B3GLCT: variants seen among roughly 807,000 people sequenced by gnomAD.
The protein encoded by B3GLCT is beta 3-glucosyltransferase.
Under a neutral mutation model 63.4 loss-of-function variants are expected in B3GLCT, and 65 were observed. That is an observed-to-expected ratio of 1.03 (90% confidence interval 0.84 to 1.26). B3GLCT has a LOEUF of 1.26. Ranked by LOEUF, B3GLCT falls within the 50% of genes most tolerant of loss-of-function variation. B3GLCT has a pLI of 0.00. For missense variants in B3GLCT, 577 were observed against 604.8 expected, an observed-to-expected ratio of 0.95 and a Z score of 0.48; for synonymous variants, 233 against 219.2, an observed-to-expected ratio of 1.06 and a Z score of -0.55.
chr13:31,205,515 C>T (rs892239421), intron 1 of B3GLCT, among the ~76,000 whole-genome samples: 1 of 152,000 alleles, frequency 6.6e-6, no homozygotes, highest in Non-Finnish European at 1.5e-5. Flanking sequence ...GCAAAGATTG[C>T]ACCACTGCAC....
At chr13:31,319,893 G>C (rs1181968499) in intron 13 of B3GLCT, among the ~76,000 whole-genome samples, 1 of 152,124 alleles carries the variant, frequency 6.6e-6, no homozygotes, top group Non-Finnish European at 1.5e-5. Flanking sequence ...TCTTATCCCA[G>C]GAGTCTGTGA....
intron 12 of B3GLCT, among the ~76,000 whole-genome samples, chr13:31,294,062 A>G (rs1477772836): frequency 1.3e-5 from 2 of 152,170 alleles, no homozygotes; most frequent in South Asian, 4.1e-4. Flanking sequence ...TCTTTCGCTT[A>G]TGAAGTTTAG....
At chr13:31,203,352 A>T (rs1370654878) in intron 1 of B3GLCT, among the ~76,000 whole-genome samples, 1 of 152,138 alleles carries the variant, frequency 6.6e-6, no homozygotes. Context: ...CCGAGTTGGC[A>T]TGGCTCCCCA....
intron 8 of B3GLCT, among the ~76,000 whole-genome samples, chr13:31,270,728 G>A (rs531188233): frequency 2.1e-4 from 32 of 152,142 alleles, no homozygotes; most frequent in African/African-American, 7.5e-4. Context: ...ATTTTATTAC[G>A]TATGAATGTA....
intron 12 of B3GLCT, among the ~76,000 whole-genome samples, chr13:31,315,502 A>C (rs1335931030): frequency 6.6e-6 from 1 of 152,232 alleles, no homozygotes. Context: ...GGAGCAAAGC[A>C]TTCATGAGGT....
chr13:31,274,604 A>G lies in B3GLCT; in HGVS notation c.756A>G (p.Thr252=), dbSNP rs771139085. ...TNDVDFYCAT[T]FHSFLPLCRK... ...ACGTGGACTTCTACTGTGCTACCAC[A>G]TTCCATTCTTTTCTACCGCTTTGTG... Residue 252 remains threonine (T), a synonymous_variant, in exon 9 of 15, where the codon ACA becomes ACG. Transcript: ENST00000343307. The G allele has an allele frequency of 1.3e-5, 21 of 1,614,108 alleles. 1 individual carries two copies. In the South Asian group the frequency reaches 2.2e-4, roughly 17 times the overall value.
At chr13:31,223,084 T>C in intron 3 of B3GLCT, 93 bp downstream of exon 3, 1 of 867,450 alleles carries the variant, frequency 1.2e-6, no homozygotes, top group Non-Finnish European at 1.9e-6. Flanking sequence ...TGATTTTATT[T>C]ATGGGGTAAA....
At chr13:31,201,229 G>C (rs910932879) in intron 1 of B3GLCT, among the ~76,000 whole-genome samples, 1 of 152,100 alleles carries the variant, frequency 6.6e-6, no homozygotes, top group Non-Finnish European at 1.5e-5. Context: ...CACTGCTCTT[G>C]TTAGCCCACC....
At chr13:31,258,943 C>A (rs1332604839) in intron 6 of B3GLCT, among the ~76,000 whole-genome samples, 1 of 152,136 alleles carries the variant, frequency 6.6e-6, no homozygotes, top group Non-Finnish European at 1.5e-5. Context: ...CCTTTTGTCT[C>A]ATATTGCCAT....
intron 12 of B3GLCT, among the ~76,000 whole-genome samples, chr13:31,313,550 G>A (rs1336652890): frequency 2.0e-5 from 3 of 152,164 alleles, no homozygotes; most frequent in Non-Finnish European, 2.9e-5. Context: ...TAGGGTATGT[G>A]GTGGAAGAAA....
intron 3 of B3GLCT, 77 bp from the exon 4 acceptor site, chr13:31,229,108 T>C: frequency 1.0e-6 from 1 of 960,008 alleles, no homozygotes; most frequent in Non-Finnish European, 1.6e-6. Flanking sequence ...TTTGTAGCTA[T>C]TTTTTCACTT....
intron 6 of B3GLCT, chr13:31,260,395 C>T (rs1176877040): frequency 3.3e-5 from 5 of 152,566 alleles, no homozygotes; most frequent in African/African-American, 9.7e-5. Flanking sequence ...TCCTAGTCAC[C>T]CTGATTTATT....
intron 2 of B3GLCT, 101 bp from the exon 3 acceptor site, chr13:31,222,851 C>T: frequency 2.4e-6 from 2 of 819,398 alleles, no homozygotes; most frequent in East Asian, 2.5e-5. Flanking sequence ...ATCTTCCTCC[C>T]ATGTGCTGAT....
At chr13:31,259,654 G>T (rs1364508040) in intron 6 of B3GLCT, among the ~76,000 whole-genome samples, 2 of 151,478 alleles carry the variant, frequency 1.3e-5, no homozygotes, top group Non-Finnish European at 2.9e-5. Context: ...TCCAGACTCC[G>T]CCTTTCAGTC....
chr13:31,321,384 C>T (rs1465674718), intron 13 of B3GLCT, among the ~76,000 whole-genome samples: 2 of 152,194 alleles, frequency 1.3e-5, no homozygotes, highest in African/African-American at 4.8e-5. Flanking sequence ...AAGTCAGAAT[C>T]AGTGGCTTGT....
Position 31,246,950 on chromosome 13 carries a change from TC to T in B3GLCT, c.271-72del. 26 of 986,976 alleles carry T rather than the reference TC, an allele frequency of 2.6e-5. No individual in the cohort carries two copies. In the East Asian group the frequency reaches 7.5e-4, roughly 28 times the overall value. The allele number at this position is 986,976 out of a possible 1,614,324, so 61.1% of individuals were successfully genotyped here. A position where few individuals can be genotyped will look rare whatever the true frequency, so the allele number is the denominator to read the frequency against. On this transcript the variant is annotated intron_variant, in intron 4 of 14. Transcript: ENST00000343307. Reference sequence around the variant, plus strand: ...TTTTCTTTTTTCTTTTCTTTTCTTTTCTTTTTTTTTTTTTTTACTTTTTTTC... The same window carrying T: ...TTTTCTTTTTTCTTTTCTTTTCTTTTTTTTTTTTTTTTTTTACTTTTTTTC...
intron 12 of B3GLCT, among the ~76,000 whole-genome samples, chr13:31,310,609 C>T (rs1406494946): frequency 1.3e-5 from 2 of 152,166 alleles, no homozygotes; most frequent in East Asian, 3.9e-4. Flanking sequence ...GCTGGGCCAG[C>T]CCAGGAGCCA....
chr13:31,329,388 T>C, intron 14 of B3GLCT, 113 bp from the exon 15 acceptor site: 1 of 1,204,390 alleles, frequency 8.3e-7, no homozygotes, highest in Non-Finnish European at 1.2e-6. Context: ...TAGATTCCTA[T>C]AGCCAATGTT....
chr13:31,314,903 G>A (rs9544436), intron 12 of B3GLCT, among the ~76,000 whole-genome samples: 29,718 of 152,102 alleles, frequency 0.2, 2,933 homozygotes, highest in East Asian at 0.21. Context: ...GGTCTTTCCC[G>A]TGCTGTTCTC....
Sources: allele counts gnomAD v4.1 joint callset (sites outside exome capture counted in the v4.1 genomes callset), GRCh38; gene constraint gnomAD v4.1.1; transcripts MANE v1.5; gene names NCBI Gene and HGNC (gene_info 2026-07-23, HGNC 2026-07-21).